Variants in ENPEP observed in about 807,000 individuals in gnomAD.
ENPEP encodes glutamyl aminopeptidase.
In ENPEP, 103 loss-of-function variants were observed where a neutral mutation model predicts 114.5. The observed-to-expected ratio is 0.90, with a 90% confidence interval of 0.77 to 1.06. The LOEUF is 1.06. Among genes scored for constraint, ENPEP ranks in the 50% least tolerant of loss-of-function variants. The pLI, the probability that ENPEP is intolerant of heterozygous loss-of-function variation, is 0.00. For missense variants in ENPEP, 1,196 were observed against 1,161.3 expected, an observed-to-expected ratio of 1.03 and a Z score of -0.43; for synonymous variants, 420 against 422.0, an observed-to-expected ratio of 1.00 and a Z score of 0.06.
At chr4:110,514,253 T>A (rs3796889) in intron 7 of ENPEP, among the ~76,000 whole-genome samples, 83,319 of 151,868 alleles carry the variant, frequency 0.55, 23,023 homozygotes, top group East Asian at 0.68. Flanking sequence ...AGCTACTGCA[T>A]GCTAATACAT....
rs1451597514 is a variant in ENPEP, at chr4:110,509,650, T to C, written c.1040-3T>C. On this transcript the variant is annotated splice_polypyrimidine_tract_variant and splice_region_variant and intron_variant, in intron 4 of 19. Coordinates refer to ENST00000265162, the MANE Select transcript of ENPEP (RefSeq NM_001977.4). ...TCTCACTGGACTCTTTCTTCTTCTATAGATAAAATCGCTATTCCAGATTTT... is the reference window on the plus strand; with the variant it reads ...TCTCACTGGACTCTTTCTTCTTCTACAGATAAAATCGCTATTCCAGATTTT... The C allele has an allele frequency of 2.5e-6, 4 of 1,610,760 alleles. No individual in the cohort carries two copies. The highest frequency in any genetic ancestry group is 3.4e-5 in the Admixed American group (2 of 59,104).
chr4:110,493,882 T>TTAAC lies in ENPEP; in HGVS notation c.918+2719_918+2722dup, dbSNP rs1724819807. Reference sequence around the variant, plus strand: ...CCTCAGAGTCCTACATTCTTAGAACTTAACAGACAAGCTAAGAATAACCAG... The same window carrying TTAAC: ...CCTCAGAGTCCTACATTCTTAGAACTTAACTAACAGACAAGCTAAGAATAACCAG... On this transcript the variant is annotated intron_variant, in intron 3 of 19. Coordinates refer to ENST00000265162, the MANE Select transcript of ENPEP (RefSeq NM_001977.4). Among the ~76,000 whole-genome samples the TTAAC allele has an allele frequency of 1.3e-5, 2 of 152,032 alleles. 1 individual carries two copies. The highest frequency in any genetic ancestry group is 4.1e-4 in the South Asian group (2 of 4,822).
rs1203749769 is a variant in ENPEP at position 110,550,611 on chromosome 4, G to A, written c.2501+725G>A. ...CATTTCCCACTCTGCATTTATACTTGAAATCAACAGGCTTCTTCCTTAATT... is the reference window on the plus strand; with the variant it reads ...CATTTCCCACTCTGCATTTATACTTAAAATCAACAGGCTTCTTCCTTAATT... On this transcript the variant is annotated intron_variant, in intron 17 of 19. Coordinates refer to ENST00000265162, the MANE Select transcript of ENPEP (RefSeq NM_001977.4). Among the ~76,000 whole-genome samples, 7 of 152,122 alleles carry A rather than the reference G, an allele frequency of 4.6e-5. No individual in the cohort carries two copies. The East Asian group carries it at 1.4e-3, about 29-fold the overall frequency.
intron 14 of ENPEP, 82 bp from the exon 15 acceptor site, chr4:110,549,264 C>T (rs2110394155): frequency 2.7e-6 from 3 of 1,101,016 alleles, no homozygotes; most frequent in Non-Finnish European, 4.1e-6. Flanking sequence ...CAGATTATAA[C>T]AGGGGCTGCT....
chr4:110,520,593 G>C (rs950856026), intron 10 of ENPEP, among the ~76,000 whole-genome samples: 2 of 152,090 alleles, frequency 1.3e-5, no homozygotes, highest in African/African-American at 4.8e-5. Flanking sequence ...ATTGAAGAGA[G>C]GAATGGAATT....
rs746223103 is a variant in ENPEP at position 110,563,393 on chromosome 4, A to G, written c.*1835A>G. ...TGTTCTATTTCATTCTATTTTAAGCATTAAAACTGAGAACAAATTGTTTAC... is the reference window on the plus strand; with the variant it reads ...TGTTCTATTTCATTCTATTTTAAGCGTTAAAACTGAGAACAAATTGTTTAC... On this transcript the variant is annotated 3_prime_UTR_variant, in exon 20 of 20. Coordinates refer to ENST00000265162, the MANE Select transcript of ENPEP (RefSeq NM_001977.4). The G allele has an allele frequency of 1.3e-5, 2 of 152,200 alleles. No individual in the cohort carries two copies. Among genetic ancestry groups the G allele is most frequent in the Non-Finnish European group, 2.9e-5 (2 of 68,010 alleles). The allele number at this position is 152,200 out of a possible 1,614,324, so 9.4% of individuals were successfully genotyped here.
intron 11 of ENPEP, among the ~76,000 whole-genome samples, chr4:110,535,547 A>T (rs1010454620): frequency 2.6e-5 from 4 of 152,208 alleles, no homozygotes; most frequent in African/African-American, 9.6e-5. Flanking sequence ...CAAGTCTTGG[A>T]AGATCTACTT....
At chr4:110,505,388 CTTTA>C (rs1276892223) in intron 3 of ENPEP, among the ~76,000 whole-genome samples, 3 of 151,700 alleles carry the variant, frequency 2.0e-5, no homozygotes, top group Non-Finnish European at 4.4e-5. Context: ...ACGAACACAT[CTTTA>C]TTTATGCAAA....
intron 10 of ENPEP, among the ~76,000 whole-genome samples, chr4:110,527,057 A>C (rs2110369946): frequency 6.6e-6 from 1 of 152,272 alleles, no homozygotes; most frequent in East Asian, 1.9e-4. Flanking sequence ...AAGGGGGGTA[A>C]CAGAGCCTGT....
chr4:110,487,350 G>A (rs1229950567), intron 1 of ENPEP, among the ~76,000 whole-genome samples: 1 of 152,086 alleles, frequency 6.6e-6, no homozygotes, highest in Admixed American at 6.5e-5. Flanking sequence ...AAATTAGTTC[G>A]GCCTATGCTC....
intron 13 of ENPEP, among the ~76,000 whole-genome samples, chr4:110,547,767 G>A (rs190016743): frequency 1.6e-4 from 24 of 152,090 alleles, no homozygotes; most frequent in Admixed American, 2.0e-4. Context: ...TTCTTCATAA[G>A]CAAATGTAAA....
intron 8 of ENPEP, chr4:110,515,643 G>A: frequency 1.6e-6 from 1 of 618,422 alleles, no homozygotes; most frequent in Middle Eastern, 4.4e-4. Context: ...TTTAGCAGAA[G>A]TCTCATGGAG....
At position 110,520,038 on chromosome 4, in the gene ENPEP, G is replaced by A; in HGVS notation, c.1540G>A (p.Ala514Thr). Reference sequence around the variant, plus strand: ...CTTGGAAAAATACCAATTCAAGAATGCAAAAACTTCTGATTTTTGGGCAGC... The same window carrying A: ...CTTGGAAAAATACCAATTCAAGAATACAAAAACTTCTGATTTTTGGGCAGC... Reference protein sequence around the residue: ...MYLEKYQFKNAKTSDFWAALE... With the variant: ...MYLEKYQFKNTKTSDFWAALE... Residue 514 changes from alanine (A) to threonine (T), a missense_variant, in exon 9 of 20, where the codon GCA becomes ACA. By Grantham distance (58) the Ala-to-Thr change is moderately conservative. Coordinates refer to ENST00000265162, the MANE Select transcript of ENPEP (RefSeq NM_001977.4). 2 of 1,613,906 alleles carry A rather than the reference G, an allele frequency of 1.2e-6. No homozygotes were observed. The highest frequency in any genetic ancestry group is 1.1e-5 in the South Asian group (1 of 91,064).
At chr4:110,535,345 TG>T (rs1726572579) in intron 11 of ENPEP, among the ~76,000 whole-genome samples, 1 of 152,156 alleles carries the variant, frequency 6.6e-6, no homozygotes, top group Admixed American at 6.5e-5. Context: ...TAAACATCTG[TG>T]ATAATTATAC....
At position 110,548,963 on chromosome 4, in the gene ENPEP, A is replaced by T. The variant is rs945964560; in HGVS notation, c.2152-383A>T. Among the ~76,000 whole-genome samples, 3 of 152,082 alleles carry T rather than the reference A, an allele frequency of 2.0e-5. No homozygotes were observed. The South Asian group carries it at 6.2e-4, about 31-fold the overall frequency. On this transcript the variant is annotated intron_variant, in intron 14 of 19. Transcript: ENST00000265162. The stretch of plus-strand genomic sequence containing the variant: ...TTACGGTAATGGGATTGTGAGGATC[A>T]AATAATATGAAAGTGCTTTGTAAAA...
At chr4:110,517,093 C>T (rs192495677) in intron 8 of ENPEP, among the ~76,000 whole-genome samples, 52 of 152,188 alleles carry the variant, frequency 3.4e-4, no homozygotes, top group Admixed American at 2.5e-3. Context: ...ACAGGCACCA[C>T]CACACCCGGC....
At chr4:110,545,506 G>T (rs1053610981) in intron 13 of ENPEP, among the ~76,000 whole-genome samples, 4 of 151,986 alleles carry the variant, frequency 2.6e-5, no homozygotes, top group African/African-American at 4.8e-5. Flanking sequence ...TGGGGTGATT[G>T]ATTTCCTCTT....
At chr4:110,492,193 AT>A (rs1362149557) in intron 3 of ENPEP, among the ~76,000 whole-genome samples, 1 of 152,100 alleles carries the variant, frequency 6.6e-6, no homozygotes, top group Non-Finnish European at 1.5e-5. Context: ...TTGCAATATA[AT>A]TTTATAAGGA....
At chr4:110,510,747 CAG>C (rs1421633829) in intron 6 of ENPEP, among the ~76,000 whole-genome samples, 1 of 152,020 alleles carries the variant, frequency 6.6e-6, no homozygotes, top group Admixed American at 6.6e-5. Context: ...ATTGCAGAAA[CAG>C]TGTGATGAAG....
Sources: gnomAD v4.1 joint callset for allele counts (sites outside exome capture counted in the v4.1 genomes callset) on GRCh38, gnomAD v4.1.1 for gene constraint, MANE v1.5 for transcripts, NCBI Gene and HGNC (gene_info 2026-07-23, HGNC 2026-07-21) for gene names.